The following ANOS1 variants were observed in gnomAD, a reference collection of about 807,000 sequenced individuals.
ANOS1 encodes the protein anosmin 1.
ANOS1 carries 6 observed loss-of-function variants against 59.0 expected under a neutral mutation model. The ratio of observed to expected loss-of-function variants is 0.10; its 90% CI spans 0.06 to 0.20. The LOEUF (loss-of-function observed/expected upper bound fraction) is 0.20. ANOS1 is among the 10% of genes least tolerant of loss of function. The pLI, the probability that ANOS1 is intolerant of heterozygous loss-of-function variation, is 1.00. For missense variants in ANOS1, 433 were observed against 542.3 expected (o/e 0.80, Z 2.00); for synonymous variants, 217 against 223.4 (o/e 0.97, Z 0.25).
At chrX:8,630,443 TAAAC>T (rs1465971554) in intron 2 of ANOS1, among the ~76,000 whole-genome samples, 7 of 109,146 alleles carry the variant, frequency 6.4e-5, no homozygotes, top group Admixed American at 2.0e-4. Flanking sequence ...AATAAATAAA[TAAAC>T]AAACAAAACC....
At chrX:8,594,668 A>ATATATATATATGTG (rs1930686794) in intron 4 of ANOS1, among the ~76,000 whole-genome samples, 1 of 28,019 alleles carries the variant, frequency 3.6e-5, no homozygotes, top group Non-Finnish European at 6.9e-5. Context: ...GTATATATAT[A>ATATATATATATGTG]TATATATATA....
chrX:8,658,953 G>A (rs1056773749), intron 2 of ANOS1, among the ~76,000 whole-genome samples: 2 of 111,799 alleles, frequency 1.8e-5, no homozygotes, highest in Admixed American at 1.9e-4. Flanking sequence ...GGGAGGCCAG[G>A]CACGGTGGCT....
At chrX:8,731,792 C>A (rs1244408579) in intron 1 of ANOS1, 38 bp downstream of exon 1, 2 of 1,165,436 alleles carry the variant, frequency 1.7e-6, no homozygotes, top group Non-Finnish European at 2.3e-6. Flanking sequence ...GCCGCGGCCG[C>A]AGCCCCAGAA....
chrX:8,541,215 C>T (rs1187116470), intron 9 of ANOS1, among the ~76,000 whole-genome samples: 1 of 105,912 alleles, frequency 9.4e-6, no homozygotes, highest in Non-Finnish European at 1.9e-5. Context: ...CCAGCCTGGC[C>T]AACATGGTGA....
At position 8,554,542 on chromosome X, in the gene ANOS1, GTTTTTTTTTTTT is replaced by G. The variant is rs757605733; in HGVS notation, c.1208-456_1208-445del. ...GGCAGACACAGAGCTGGCTACAGGA[GTTTTTTTTTTTT>G]TTTTTTTTTTTTTTTTGTTGTTGTT... On this transcript the variant is annotated intron_variant, in intron 8 of 13. Coordinates refer to ENST00000262648, the MANE Select transcript of ANOS1 (RefSeq NM_000216.4). Among the ~76,000 whole-genome samples, 106 of 50,835 alleles carry G rather than the reference GTTTTTTTTTTTT, an allele frequency of 2.1e-3. 1 individual carries two copies. The highest frequency in any genetic ancestry group is 8.2e-3 in the African/African-American group (99 of 12,071). The allele number at this position is 50,835 out of a possible 115,157, so 44.1% of individuals were successfully genotyped here.
chrX:8,713,450 A>G (rs1190267536), intron 1 of ANOS1, among the ~76,000 whole-genome samples: 6 of 110,524 alleles, frequency 5.4e-5, no homozygotes, highest in African/African-American at 1.6e-4. Context: ...TATACCTTAC[A>G]CTCGTAGAAT....
At chrX:8,694,319 T>A (rs895031097) in intron 2 of ANOS1, among the ~76,000 whole-genome samples, 16 of 112,534 alleles carry the variant, frequency 1.4e-4, no homozygotes, top group Non-Finnish European at 3.7e-5. Context: ...CTGATTTACA[T>A]TATATTTGGC....
Position 8,568,263 on chromosome X carries a change from A to G in ANOS1, c.1176T>C (p.Leu392=). 4 of 1,210,783 alleles carry G rather than the reference A, an allele frequency of 3.3e-6. No individual in the cohort carries two copies. The highest frequency in any genetic ancestry group is 4.5e-6 in the Non-Finnish European group (4 of 894,717). Residue 392 remains leucine (L), a synonymous_variant, in exon 8 of 14, where the codon CTT becomes CTC. Transcript: ENST00000262648. ...TGGTTGCATGTGTCGATGTGAAGTG[A>G]AGGGACACCTTTGCACTCTTCAGCC... ...QTRLKSAKVS[L]HFTSTHATNN... is the part of the protein sequence containing the mutation.
chrX:8,638,648 G>A (rs1931610596), intron 2 of ANOS1, among the ~76,000 whole-genome samples: 1 of 112,240 alleles, frequency 8.9e-6, no homozygotes, highest in South Asian at 3.7e-4. Context: ...ACAAAATAAT[G>A]AGTAGGATTA....
intron 2 of ANOS1, among the ~76,000 whole-genome samples, chrX:8,657,108 C>T (rs1218145820): frequency 8.9e-6 from 1 of 112,694 alleles, no homozygotes; most frequent in Non-Finnish European, 1.9e-5. Flanking sequence ...CGGGTCATGG[C>T]TCGATCAATC....
At chrX:8,676,052 G>T (rs759749314) in intron 2 of ANOS1, among the ~76,000 whole-genome samples, 1 of 110,634 alleles carries the variant, frequency 9.0e-6, no homozygotes, top group Non-Finnish European at 1.9e-5. Context: ...CATTTTTATG[G>T]CTGCATAGTA....
rs1394731479 is a variant in ANOS1 at position 8,668,430 on chromosome X, T to TATATATAC, written c.255+31267_255+31268insGTATATAT. On this transcript the variant is annotated intron_variant, in intron 2 of 13. Coordinates refer to ENST00000262648, the MANE Select transcript of ANOS1 (RefSeq NM_000216.4). The stretch of plus-strand genomic sequence containing the variant: ...ATATATATATATATATATATATATA[T>TATATATAC]ACACACACATACATATATATATATG... Among the ~76,000 whole-genome samples, 236 of 80,127 alleles carry TATATATAC rather than the reference T, an allele frequency of 2.9e-3. 1 individual carries two copies. Among genetic ancestry groups the TATATATAC allele is most frequent in the African/African-American group, 4.7e-3 (95 of 20,173 alleles). 69.6% of individuals were successfully genotyped at this position (80,127 alleles called of 115,157 possible).
intron 2 of ANOS1, among the ~76,000 whole-genome samples, chrX:8,631,712 A>G (rs2146852035): frequency 8.9e-6 from 1 of 111,904 alleles, no homozygotes; most frequent in African/African-American, 3.2e-5. Flanking sequence ...CAATTGATCA[A>G]GGTCCCAGAG....
intron 2 of ANOS1, among the ~76,000 whole-genome samples, chrX:8,645,181 G>A (rs1931731035): frequency 8.9e-6 from 1 of 112,552 alleles, no homozygotes; most frequent in African/African-American, 3.2e-5. Flanking sequence ...CCCCTCAATA[G>A]GCAGCTCAAA....
At chrX:8,589,126 G>A (rs1214566387) in intron 4 of ANOS1, among the ~76,000 whole-genome samples, 1 of 112,223 alleles carries the variant, frequency 8.9e-6, no homozygotes, top group Admixed American at 9.4e-5. Flanking sequence ...CTTAATTCAT[G>A]GTAAGTCTTG....
At position 8,644,690 on chromosome X, in the gene ANOS1, C is replaced by T. The variant is rs1365173024; in HGVS notation, c.256-21020G>A. ...TGAAGCCTGCTACCTGGAGGCTTCA[C>T]CTACATGACAAGAACCTTGGCTTCT... On this transcript the variant is annotated intron_variant, in intron 2 of 13. Transcript: ENST00000262648. 5.4e-5 allele frequency among the ~76,000 whole-genome samples: 6 copies of T among 111,608 alleles called. No individual in the cohort carries two copies. In the East Asian group the frequency reaches 1.7e-3, roughly 32 times the overall value.
intron 3 of ANOS1, among the ~76,000 whole-genome samples, chrX:8,616,883 A>G (rs1271896724): frequency 8.9e-6 from 1 of 112,209 alleles, no homozygotes; most frequent in Admixed American, 9.4e-5. Context: ...GTGTCTCTAA[A>G]GAATTGACAA....
At chrX:8,642,701 A>G (rs776335799) in intron 2 of ANOS1, among the ~76,000 whole-genome samples, 3 of 112,065 alleles carry the variant, frequency 2.7e-5, no homozygotes, top group Non-Finnish European at 3.8e-5. Context: ...AAACATGTCT[A>G]TTCCATTCAA....
At position 8,594,765 on chromosome X, in the gene ANOS1, TA is replaced by T. The variant is rs61597895; in HGVS notation, c.541+2268del. On this transcript the variant is annotated intron_variant, in intron 4 of 13. Coordinates refer to ENST00000262648, the MANE Select transcript of ANOS1 (RefSeq NM_000216.4). Reference sequence around the variant, plus strand: ...ATATATATATACATATATATATATATATTTTTTTTTTGCAAAATAACAATCT... The same window carrying T: ...ATATATATATACATATATATATATATTTTTTTTTTTGCAAAATAACAATCT... 2.1e-3 allele frequency among the ~76,000 whole-genome samples: 148 copies of T among 69,708 alleles called. 3 individuals are homozygous for T. The highest frequency in any genetic ancestry group is 5.4e-3 in the East Asian group (15 of 2,803). 60.5% of individuals were successfully genotyped at this position (69,708 alleles called of 115,157 possible).
Sources: allele counts gnomAD v4.1 joint callset (sites outside exome capture counted in the v4.1 genomes callset), GRCh38; gene constraint gnomAD v4.1.1; transcripts MANE v1.5; gene names NCBI Gene and HGNC (gene_info 2026-07-23, HGNC 2026-07-21).